Variants in PTPRT observed in about 807,000 individuals in gnomAD.
PTPRT encodes the protein protein tyrosine phosphatase receptor type T, also known as receptor-type tyrosine-protein phosphatase T.
In PTPRT, 56 loss-of-function variants were observed where a neutral mutation model predicts 176.8. That is an observed-to-expected ratio of 0.32 (90% CI 0.26 to 0.40). The LOEUF (loss-of-function observed/expected upper bound fraction) is 0.40, where lower values mean the gene tolerates loss of function less well. PTPRT is among the 10% of genes least tolerant of loss of function. PTPRT has a pLI of 1.00. For synonymous variants in PTPRT, 783 were observed against 739.0 expected, an observed-to-expected ratio of 1.06 and a Z score of -0.96; for missense variants, 1,540 against 1,908.2, an observed-to-expected ratio of 0.81 and a Z score of 3.60.
chr20:42,144,451 G>C (rs1313902274), intron 17 of PTPRT, among the ~76,000 whole-genome samples: 5 of 152,152 alleles, frequency 3.3e-5, no homozygotes, highest in Admixed American at 2.0e-4. Flanking sequence ...CTTAGGGATA[G>C]GGAAGAGATA....
At chr20:42,775,377 C>T (rs1325281187) in intron 4 of PTPRT, among the ~76,000 whole-genome samples, 1 of 152,124 alleles carries the variant, frequency 6.6e-6, no homozygotes, top group Non-Finnish European at 1.5e-5. Context: ...GGCTCGGGGA[C>T]ACGGCCCCAC....
intron 1 of PTPRT, among the ~76,000 whole-genome samples, chr20:42,998,412 C>G (rs934133129): frequency 6.6e-6 from 1 of 152,092 alleles, no homozygotes; most frequent in Non-Finnish European, 1.5e-5. Flanking sequence ...ATAAACAAAA[C>G]GACATAATAA....
At chr20:42,376,543 A>C (rs2145617188) in intron 9 of PTPRT, among the ~76,000 whole-genome samples, 1 of 152,306 alleles carries the variant, frequency 6.6e-6, no homozygotes, top group South Asian at 2.1e-4. Flanking sequence ...TCTGGGGAGA[A>C]GTTCACAGCC....
intron 8 of PTPRT, among the ~76,000 whole-genome samples, chr20:42,459,552 G>C (rs897047360): frequency 2.0e-5 from 3 of 152,210 alleles, no homozygotes; most frequent in African/African-American, 7.2e-5. Flanking sequence ...TAGAGGCTGT[G>C]AGAAATGGTC....
chr20:42,405,367 G>C (rs547508628), intron 9 of PTPRT, among the ~76,000 whole-genome samples: 2 of 151,590 alleles, frequency 1.3e-5, no homozygotes, highest in Admixed American at 1.3e-4. Context: ...AACAGGCCCC[G>C]GTGTGTGATG....
rs2077063871 is a variant in PTPRT at position 42,771,611 on chromosome 20, T to C, written c.569-61A>G. ...TTCGACAGCCTGCACCACTTCCCTATTGGTGGATGGCAGCTCAGGATGGGC... is the reference window on the plus strand; with the variant it reads ...TTCGACAGCCTGCACCACTTCCCTACTGGTGGATGGCAGCTCAGGATGGGC... On this transcript the variant is annotated intron_variant, in intron 4 of 30. Transcript: ENST00000373187. 1.4e-5 allele frequency: 19 copies of C among 1,382,252 alleles called. No individual in the cohort carries two copies. In the South Asian group the frequency reaches 2.2e-4, roughly 16 times the overall value. 85.6% of individuals were successfully genotyped at this position (1,382,252 alleles called of 1,614,324 possible). A position where few individuals can be genotyped will look rare whatever the true frequency, so the allele number is the denominator to read the frequency against.
At chr20:42,515,126 T>G (rs2072036457) in intron 7 of PTPRT, among the ~76,000 whole-genome samples, 1 of 152,188 alleles carries the variant, frequency 6.6e-6, no homozygotes, top group Non-Finnish European at 1.5e-5. Context: ...TATCCAATAA[T>G]CTATCTCTCT....
chr20:42,136,181 T>G (rs1988366656), intron 18 of PTPRT, among the ~76,000 whole-genome samples: 1 of 151,168 alleles, frequency 6.6e-6, no homozygotes, highest in Non-Finnish European at 1.5e-5. Flanking sequence ...TTTGGATACT[T>G]GATATTCTTT....
chr20:42,779,343 G>C (rs970174936), intron 4 of PTPRT, among the ~76,000 whole-genome samples: 1 of 152,204 alleles, frequency 6.6e-6, no homozygotes, highest in African/African-American at 2.4e-5. Flanking sequence ...CCATATGGGA[G>C]GAGTGGAGAG....
intron 13 of PTPRT, among the ~76,000 whole-genome samples, chr20:42,259,124 G>C (rs183015075): frequency 6.6e-6 from 1 of 152,292 alleles, no homozygotes; most frequent in Non-Finnish European, 1.5e-5. Flanking sequence ...CAAATAAATT[G>C]TTCCTCAAGT....
intron 1 of PTPRT, among the ~76,000 whole-genome samples, chr20:43,066,392 C>T (rs1048580322): frequency 6.6e-6 from 1 of 152,192 alleles, no homozygotes; most frequent in Non-Finnish European, 1.5e-5. Flanking sequence ...TTCTTTCCTT[C>T]CGTCTTTTAA....
At chr20:42,597,364 C>T (rs1015593514) in intron 7 of PTPRT, among the ~76,000 whole-genome samples, 3 of 152,300 alleles carry the variant, frequency 2.0e-5, no homozygotes, top group South Asian at 2.1e-4. Context: ...GATTGACACC[C>T]ATTGCCTTTG....
intron 6 of PTPRT, among the ~76,000 whole-genome samples, chr20:42,696,617 G>T (rs868208821): frequency 6.6e-6 from 1 of 151,728 alleles, no homozygotes. Context: ...TACCACACCC[G>T]GCTAATTTTT....
intron 11 of PTPRT, among the ~76,000 whole-genome samples, chr20:42,325,697 G>T (rs534387147): frequency 1.3e-5 from 2 of 152,200 alleles, no homozygotes; most frequent in East Asian, 3.9e-4. Context: ...TCAAAACAGT[G>T]GCTAGAATGA....
chr20:42,472,328 A>G lies in PTPRT; in HGVS notation c.1388T>C (p.Leu463Ser), dbSNP rs747865278. The G allele has an allele frequency of 1.2e-6, 2 of 1,614,212 alleles. No individual in the cohort carries two copies. The highest frequency in any genetic ancestry group is 2.2e-5 in the South Asian group (2 of 91,088). The change falls in exon 8 of 31, where the codon TTG becomes TCG. Residue 463 changes from leucine to serine, a missense_variant. Coordinates refer to ENST00000373187, the MANE Select transcript of PTPRT (RefSeq NM_007050.6). ...RPFMTIRLRLLLSNPEGRMES... is the reference protein window; with the variant it reads ...RPFMTIRLRLSLSNPEGRMES... The stretch of plus-strand genomic sequence containing the variant: ...CATTCGGCCCTCGGGGTTAGACAGC[A>G]AGAGTCGCAGCCGGATGGTCATGAA...
chr20:42,250,318 G>A (rs564880121), intron 13 of PTPRT, among the ~76,000 whole-genome samples: 80 of 152,254 alleles, frequency 5.3e-4, no homozygotes, highest in African/African-American at 1.8e-3. Flanking sequence ...AAAGGATGAC[G>A]TCTCTGCCCA....
At chr20:42,865,877 CCTT>C (rs1229757485) in intron 2 of PTPRT, among the ~76,000 whole-genome samples, 5 of 152,138 alleles carry the variant, frequency 3.3e-5, no homozygotes, top group Admixed American at 3.3e-4. Context: ...CCCTCCGTCT[CCTT>C]CTCAGGCTCC....
chr20:42,516,075 G>A (rs62205778), intron 7 of PTPRT, among the ~76,000 whole-genome samples: 4,063 of 136,750 alleles, frequency 0.03, 150 homozygotes, highest in African/African-American at 0.08. Flanking sequence ...GGACACAGGA[G>A]GGGGAATATC....
intron 16 of PTPRT, 117 bp downstream of exon 16, chr20:42,199,123 G>T (rs2146675409): frequency 8.1e-7 from 1 of 1,228,974 alleles, no homozygotes; most frequent in East Asian, 2.4e-5. Flanking sequence ...TCCATATCAG[G>T]CAAGCATCCA....
Sources: allele counts gnomAD v4.1 joint callset (sites outside exome capture counted in the v4.1 genomes callset), GRCh38; gene constraint gnomAD v4.1.1; transcripts MANE v1.5; gene names NCBI Gene and HGNC (gene_info 2026-07-23, HGNC 2026-07-21).